APLF: variants seen among roughly 807,000 people sequenced by gnomAD.
The protein encoded by APLF is aprataxin and PNKP like factor.
Under a neutral mutation model 55.6 loss-of-function variants are expected in APLF, and 61 were observed. The observed-to-expected ratio is 1.10, with a 90% CI of 0.89 to 1.36. APLF has a LOEUF of 1.36. APLF is among the 40% of genes most tolerant of loss of function. APLF has a pLI of 0.00. For synonymous variants in APLF, 207 were observed against 214.8 expected (o/e 0.96, Z 0.32); for missense variants, 611 against 602.5 (o/e 1.01, Z -0.15).
intron 9 of APLF, among the ~76,000 whole-genome samples, chr2:68,575,541 A>C (rs1671597374): frequency 6.6e-6 from 1 of 152,130 alleles, no homozygotes; most frequent in Admixed American, 6.6e-5. Flanking sequence ...AGGATATTGT[A>C]TTCAGGAAGA....
chr2:68,520,385 T>C (rs1669862628), intron 5 of APLF, among the ~76,000 whole-genome samples: 1 of 152,076 alleles, frequency 6.6e-6, no homozygotes, highest in Admixed American at 6.6e-5. Flanking sequence ...ATGAAGTCTT[T>C]TCCTAAGCCA....
In APLF at chr2:68,518,772, A is replaced by G. The variant is rs111214743; in HGVS notation, c.622+5092A>G. On this transcript the variant is annotated intron_variant, in intron 5 of 9. Coordinates refer to ENST00000303795, the MANE Select transcript of APLF (RefSeq NM_173545.3). ...TAATATATAATAAAATATTAATAAT[A>G]TATCATTATATAATAAAATATTAAT... Among the ~76,000 whole-genome samples, 427 of 106,824 alleles carry G rather than the reference A, an allele frequency of 4.0e-3. 2 individuals are homozygous for G. Among genetic ancestry groups the G allele is most frequent in the African/African-American group, 0.016 (410 of 26,054 alleles). 70.1% of individuals were successfully genotyped at this position (106,824 alleles called of 152,430 possible).
At chr2:68,545,363 A>G in intron 8 of APLF, 51 bp downstream of exon 8, 1 of 1,572,632 alleles carries the variant, frequency 6.4e-7, no homozygotes, top group Non-Finnish European at 8.6e-7. Flanking sequence ...TATCTCTGTT[A>G]CTTATCTAGG....
chr2:68,529,156 C>A lies in APLF; in HGVS notation c.804+2914C>A. 7.6e-7 allele frequency: 1 copy of A among 1,307,880 alleles called. No individual in the cohort carries two copies. The highest frequency in any genetic ancestry group is 1.0e-6 in the Non-Finnish European group (1 of 957,224). 81.0% of individuals were successfully genotyped at this position (1,307,880 alleles called of 1,614,324 possible). ...AGTTGCGAGCAGACAGCACGGGTTT[C>A]TTCCTTGAGGGGGGGCTCCAGACAA... On this transcript the variant is annotated intron_variant, in intron 6 of 9. Coordinates refer to ENST00000303795, the MANE Select transcript of APLF (RefSeq NM_173545.3). The surrounding 1 kb of genome is among the most constrained non-coding windows in gnomAD (Gnocchi z 4.4).
intron 1 of APLF, among the ~76,000 whole-genome samples, chr2:68,477,818 A>G (rs1325888835): frequency 1.3e-5 from 2 of 152,206 alleles, no homozygotes; most frequent in African/African-American, 4.8e-5. Context: ...GAGCTTGTGC[A>G]GGGGAACTCC....
intron 2 of APLF, 32 bp downstream of exon 2, chr2:68,490,293 T>A: frequency 6.3e-7 from 1 of 1,585,544 alleles, no homozygotes; most frequent in Non-Finnish European, 8.6e-7. Context: ...CATTTTAACT[T>A]TCATCTCTTA....
chr2:68,535,073 T>C (rs1379018231), intron 6 of APLF, among the ~76,000 whole-genome samples: 1 of 152,248 alleles, frequency 6.6e-6, no homozygotes, highest in African/African-American at 2.4e-5. Flanking sequence ...CGAGAACCCC[T>C]GATCCATAGT....
intron 3 of APLF, among the ~76,000 whole-genome samples, chr2:68,510,439 C>T (rs1448932539): frequency 6.6e-6 from 1 of 151,758 alleles, no homozygotes; most frequent in Non-Finnish European, 1.5e-5. Flanking sequence ...TGTTCAACAT[C>T]ACTAGTCACA....
intron 5 of APLF, among the ~76,000 whole-genome samples, chr2:68,517,621 T>A (rs1669659616): frequency 1.4e-5 from 2 of 142,198 alleles, no homozygotes; most frequent in Non-Finnish European, 3.0e-5. Context: ...ACTAATGTTA[T>A]TAACATGTAA....
chr2:68,521,437 T>C (rs1244425458), intron 5 of APLF, among the ~76,000 whole-genome samples: 2 of 151,868 alleles, frequency 1.3e-5, no homozygotes, highest in Non-Finnish European at 2.9e-5. Context: ...AGTTCTAATT[T>C]ATTTTATTTT....
chr2:68,494,714 T>C (rs1049621438), intron 2 of APLF, among the ~76,000 whole-genome samples: 8 of 152,208 alleles, frequency 5.3e-5, no homozygotes, highest in Admixed American at 1.3e-4. Flanking sequence ...CCATGTGTTC[T>C]CATCATTCAC....
intron 4 of APLF, 50 bp downstream of exon 4, chr2:68,513,277 A>G (rs1247741286): frequency 1.3e-6 from 2 of 1,539,348 alleles, no homozygotes; most frequent in East Asian, 2.3e-5. Context: ...TCAAGTTATT[A>G]TGAAGGCAGA....
In APLF at chr2:68,538,259, A is replaced by G. The variant is rs369404978; in HGVS notation, c.1160+32A>G. On this transcript the variant is annotated intron_variant, in intron 7 of 9. Transcript: ENST00000303795. The stretch of plus-strand genomic sequence containing the variant: ...TGAAATTACAGTAACATTTAATTCC[A>G]TTATTTTGATAGCGTGTAGCTATGT... The G allele has an allele frequency of 1.1e-4, 168 of 1,536,048 alleles. 1 individual carries two copies. In the East Asian group the frequency reaches 2.9e-3, roughly 27 times the overall value.
chr2:68,502,670 T>TA, intron 2 of APLF, 61 bp from the exon 3 acceptor site: 2 of 1,039,836 alleles, frequency 1.9e-6, no homozygotes, highest in Non-Finnish European at 2.5e-6. Flanking sequence ...AATTTTGAGT[T>TA]ACAACATTAT....
chr2:68,506,091 A>G lies in APLF; in HGVS notation c.341+3188A>G, dbSNP rs538901918. 2.6e-5 allele frequency among the ~76,000 whole-genome samples: 4 copies of G among 151,930 alleles called. No individual in the cohort carries two copies. In the South Asian group the frequency reaches 8.3e-4, roughly 31 times the overall value. On this transcript the variant is annotated intron_variant, in intron 3 of 9. Transcript: ENST00000303795. ...AGCTCTAGCCAGGAACCAGAAGTGA[A>G]GACCAAAATATGTATTTCTTACTAT...
chr2:68,543,936 G>A (rs773671260), intron 7 of APLF, among the ~76,000 whole-genome samples: 1 of 150,190 alleles, frequency 6.7e-6, no homozygotes, highest in Non-Finnish European at 1.5e-5. Flanking sequence ...ATCCCTGGAT[G>A]TCCCCAGAAC....
rs1163784799 is a variant in APLF at position 68,502,903 on chromosome 2, G to C, written c.341G>C (p.Arg114Thr). Residue 114 changes from arginine to threonine, a missense_variant and splice_region_variant, in exon 3 of 10, where the codon AGA becomes ACA. Arg to Thr is a moderately conservative substitution (Grantham distance 71). Transcript: ENST00000303795. The part of the protein sequence containing the change: ...PSEVEMQCTL[R>T]NSQVLDEDNI... ...GAAGTGGAAATGCAATGTACCTTAA[G>C]GTAAGTGCCTGATGAAATGAGAGTA... is the stretch of plus-strand genomic sequence containing the variant. 1 of 1,597,676 alleles carries C rather than the reference G, an allele frequency of 6.3e-7. No individual in the cohort carries two copies. Among genetic ancestry groups the C allele is most frequent in the African/African-American group, 1.4e-5 (1 of 73,634 alleles).
At chr2:68,553,343 CATACTT>C (rs1023272778) in intron 8 of APLF, among the ~76,000 whole-genome samples, 5 of 152,042 alleles carry the variant, frequency 3.3e-5, no homozygotes, top group Non-Finnish European at 5.9e-5. Context: ...GAGCAAAAAA[CATACTT>C]AATAGATTTA....
chr2:68,487,323 A>C (rs917283010), intron 1 of APLF, among the ~76,000 whole-genome samples: 1 of 152,152 alleles, frequency 6.6e-6, no homozygotes, highest in Non-Finnish European at 1.5e-5. Context: ...TTTAGGTTTC[A>C]TGTAATGATA....
Sources: gnomAD v4.1 joint callset for allele counts (sites outside exome capture counted in the v4.1 genomes callset) on GRCh38, gnomAD v4.1.1 for gene constraint, Gnocchi (gnomAD v3.1) non-coding constraint, MANE v1.5 for transcripts, NCBI Gene and HGNC (gene_info 2026-07-23, HGNC 2026-07-21) for gene names.